LRRC4B: variants seen among roughly 807,000 people sequenced by gnomAD.
LRRC4B encodes leucine rich repeat containing 4B, also known as leucine-rich repeat-containing protein 4B.
LRRC4B carries 1 observed loss-of-function variant against 7.3 expected under a neutral mutation model. The observed-to-expected ratio is 0.14, with a 90% confidence interval of 0.05 to 0.65. The LOEUF is 0.65. Ranked by LOEUF, LRRC4B falls within the 30% of genes least tolerant of loss-of-function variation. The pLI is 0.84. For missense variants in LRRC4B, 730 were observed against 1,041.6 expected (o/e 0.70, Z 4.12); for synonymous variants, 500 against 499.2 (o/e 1.00, Z -0.02).
At position 50,518,657 on chromosome 19, in the gene LRRC4B, C is replaced by A. The variant is rs761052207; in HGVS notation, c.1056G>T (p.Gly352=). The change falls in exon 3 of 3, where the codon GGG becomes GGT. Residue 352 remains glycine (G), a synonymous_variant. Coordinates refer to ENST00000652263, the MANE Select transcript of LRRC4B (RefSeq NM_001080457.2). ...APAGLKGRYI[G]ELDQSHFTCY... is the part of the protein sequence containing the mutation. Reference sequence around the variant, plus strand: ...AGGTGAAATGCGACTGGTCCAGCTCCCCAATGTAGCGCCCCTTGAGGCCGG... The same window carrying A: ...AGGTGAAATGCGACTGGTCCAGCTCACCAATGTAGCGCCCCTTGAGGCCGG... 1.9e-6 allele frequency: 3 copies of A among 1,613,378 alleles called. No individual in the cohort carries two copies. Among genetic ancestry groups the A allele is most frequent in the African/African-American group, 2.7e-5 (2 of 74,932 alleles).
rs1393409435 is a variant in LRRC4B at position 50,517,370 on chromosome 19, G to A, written c.*201C>T. The A allele has an allele frequency of 2.6e-5, 11 of 415,956 alleles. No individual in the cohort carries two copies. The highest frequency in any genetic ancestry group is 4.5e-5 in the Non-Finnish European group (11 of 244,094). 25.8% of individuals were successfully genotyped at this position (415,956 alleles called of 1,614,324 possible). On this transcript the variant is annotated 3_prime_UTR_variant, in exon 3 of 3. Coordinates refer to ENST00000652263, the MANE Select transcript of LRRC4B (RefSeq NM_001080457.2). This position sits in a 1 kb window ranked among gnomAD's most constrained non-coding sequence, Gnocchi z 6.6. ...TGGCGGGGGTGAGGCGAGGATCCCA[G>A]AGACTCCGCTCCTGGAGCCCCACCC...
rs1982293649 is a variant in LRRC4B, at chr19:50,556,873, G to A, written c.-35-8000C>T. Reference sequence around the variant, plus strand: ...TAAGTGAGAGGGCGGGCACAGGGTGGGCCCCGGAACGTCCAGGAGGGAAGC... The same window carrying A: ...TAAGTGAGAGGGCGGGCACAGGGTGAGCCCCGGAACGTCCAGGAGGGAAGC... On this transcript the variant is annotated intron_variant, in intron 1 of 2. Coordinates refer to ENST00000652263, the MANE Select transcript of LRRC4B (RefSeq NM_001080457.2). This position sits in a 1 kb window ranked among gnomAD's most constrained non-coding sequence, Gnocchi z 4.2. Among the ~76,000 whole-genome samples the A allele has an allele frequency of 6.6e-6, 1 of 152,058 alleles. No individual in the cohort carries two copies. Among genetic ancestry groups the A allele is most frequent in the Non-Finnish European group, 1.5e-5 (1 of 68,002 alleles).
chr19:50,567,675 C>A (rs1340549899), intron 1 of LRRC4B, among the ~76,000 whole-genome samples: 3 of 149,050 alleles, frequency 2.0e-5, no homozygotes, highest in Admixed American at 6.7e-5. Flanking sequence ...GACCGCCGGA[C>A]GCACCCCCCA....
chr19:50,518,330 G>T lies in LRRC4B; in HGVS notation c.1383C>A (p.Ala461=). The T allele has an allele frequency of 6.2e-7, 1 of 1,606,042 alleles. No individual in the cohort carries two copies. The highest frequency in any genetic ancestry group is 8.5e-7 in the Non-Finnish European group (1 of 1,177,202). ...LNVSAVDPVA[A]GGTGSGGGGP... is the part of the protein sequence containing the mutation. ...CGCCCCCGCCGCTGCCGGTGCCCCC[G>T]GCCGCCACGGGGTCCACGGCCGAGA... Residue 461 remains alanine (A), a synonymous_variant, in exon 3 of 3, where the codon GCC becomes GCA. Transcript: ENST00000652263.
Position 50,518,207 on chromosome 19 carries a change from C to A in LRRC4B, c.1506G>T (p.Glu502Asp). The A allele has an allele frequency of 1.2e-6, 2 of 1,609,104 alleles. No individual in the cohort carries two copies. The change falls in exon 3 of 3, where the codon GAG (glutamate) becomes GAT (aspartate). Residue 502 changes from glutamate to aspartate, a missense_variant. By Grantham distance (45) the Glu-to-Asp change is conservative (BLOSUM62 2). Around this residue, in one of 6 missense-constraint regions of LRRC4B, gnomAD observed 192 missense variants for 228.6 expected, o/e 0.84. Coordinates refer to ENST00000652263, the MANE Select transcript of LRRC4B (RefSeq NM_001080457.2). ...TCTCCGTCCCCCGCGGCTGCAGGGC[C>A]TCCTCTCCGGGCTGCGTCTCCAGGG... Reference protein sequence around the residue: ...VETLETQPGEEALQPRGTEKE... With the variant: ...VETLETQPGEDALQPRGTEKE...
chr19:50,520,074 C>CTA (rs1980487115), intron 2 of LRRC4B, among the ~76,000 whole-genome samples: 1 of 150,086 alleles, frequency 6.7e-6, no homozygotes, highest in Non-Finnish European at 1.5e-5. Context: ...GGCGTGGTGG[C>CTA]ATGTGCCTGT....
In LRRC4B at chr19:50,563,926, G is replaced by A. The variant is rs1982547677; in HGVS notation, c.-36+4018C>T. The stretch of plus-strand genomic sequence containing the variant: ...AGGAGGCCATTTAAGTGGAAACAGG[G>A]CCCAGTCAAAGTGAGGCTTGGAGTT... On this transcript the variant is annotated intron_variant, in intron 1 of 2. Coordinates refer to ENST00000652263, the MANE Select transcript of LRRC4B (RefSeq NM_001080457.2). This position sits in a 1 kb window ranked among gnomAD's most constrained non-coding sequence, Gnocchi z 4.9. Among the ~76,000 whole-genome samples the A allele has an allele frequency of 6.6e-6, 1 of 152,158 alleles. No individual in the cohort carries two copies. The highest frequency in any genetic ancestry group is 2.4e-5 in the African/African-American group (1 of 41,430).
At chr19:50,527,348 CTTTTTT>C (rs59423387) in intron 2 of LRRC4B, among the ~76,000 whole-genome samples, 1 of 124,518 alleles carries the variant, frequency 8.0e-6, no homozygotes, top group Non-Finnish European at 1.7e-5. Context: ...TTTCTTTTTT[CTTTTTT>C]TTTTTTTTTT....
intron 2 of LRRC4B, among the ~76,000 whole-genome samples, chr19:50,530,454 C>G (rs561998142): frequency 6.6e-6 from 1 of 152,352 alleles, no homozygotes; most frequent in South Asian, 2.1e-4. Context: ...TCAGGACGCC[C>G]TTCCCTTTCA....
In LRRC4B at chr19:50,556,723, C is replaced by T. The variant is rs1421874007; in HGVS notation, c.-35-7850G>A. Among the ~76,000 whole-genome samples the T allele has an allele frequency of 6.6e-6, 1 of 152,184 alleles. No homozygotes were observed. Among genetic ancestry groups the T allele is most frequent in the Admixed American group, 6.5e-5 (1 of 15,282 alleles). ...CAACGGCGCTGGCCCCTCCGAGCCTCAGTATTTGCTGCAGGAACGAGCGAG... is the reference window on the plus strand; with the variant it reads ...CAACGGCGCTGGCCCCTCCGAGCCTTAGTATTTGCTGCAGGAACGAGCGAG... On this transcript the variant is annotated intron_variant, in intron 1 of 2. Coordinates refer to ENST00000652263, the MANE Select transcript of LRRC4B (RefSeq NM_001080457.2). This position sits in a 1 kb window ranked among gnomAD's most constrained non-coding sequence, Gnocchi z 4.2.
intron 1 of LRRC4B, among the ~76,000 whole-genome samples, chr19:50,560,307 T>A (rs1293953549): frequency 2.0e-5 from 3 of 152,012 alleles, no homozygotes; most frequent in African/African-American, 7.3e-5. Flanking sequence ...AGCCCCCTCC[T>A]CTCCTCTCCG....
Position 50,518,175 on chromosome 19 carries a change from G to T in LRRC4B, c.1538C>A (p.Pro513Gln), listed in dbSNP as rs759567542. ...GACACCGTCTGTCGTGGGCCCTGGCGGTTCCTTCTCCGTCCCCCGCGGCTG... is the reference window on the plus strand; with the variant it reads ...GACACCGTCTGTCGTGGGCCCTGGCTGTTCCTTCTCCGTCCCCCGCGGCTG... Reference protein sequence around the residue: ...ALQPRGTEKEPPGPTTDGVWG... With the variant: ...ALQPRGTEKEQPGPTTDGVWG... The change falls in exon 3 of 3, where the codon CCG becomes CAG. Residue 513 changes from proline (P) to glutamine (Q), a missense_variant. Pro to Gln is a moderately conservative substitution (Grantham distance 76). Transcript: ENST00000652263. 43 of 1,607,282 alleles carry T rather than the reference G, an allele frequency of 2.7e-5. No individual in the cohort carries two copies. The Middle Eastern group carries it at 8.3e-4, about 31-fold the overall frequency.
At chr19:50,552,443 A>G (rs1257217318) in intron 1 of LRRC4B, among the ~76,000 whole-genome samples, 1 of 151,736 alleles carries the variant, frequency 6.6e-6, no homozygotes, top group Non-Finnish European at 1.5e-5. Flanking sequence ...CCCTAGAGGA[A>G]CCCCTCTCCC....
chr19:50,546,951 T>C (rs1981842335), intron 2 of LRRC4B, among the ~76,000 whole-genome samples: 1 of 152,244 alleles, frequency 6.6e-6, no homozygotes, highest in East Asian at 1.9e-4. Flanking sequence ...GGGCTAGGGC[T>C]GGGCTTTGCC....
intron 2 of LRRC4B, among the ~76,000 whole-genome samples, chr19:50,546,370 C>T (rs946132337): frequency 2.6e-5 from 4 of 151,968 alleles, no homozygotes; most frequent in Admixed American, 6.6e-5. Context: ...AAATAAAGAG[C>T]CTCTGATTAC....
intron 2 of LRRC4B, among the ~76,000 whole-genome samples, chr19:50,544,884 G>C (rs1445151507): frequency 6.6e-6 from 1 of 150,838 alleles, no homozygotes; most frequent in African/African-American, 2.5e-5. Flanking sequence ...GTGAGACCCT[G>C]TCTTCATAAA....
chr19:50,531,082 C>T (rs899028926), intron 2 of LRRC4B, among the ~76,000 whole-genome samples: 6 of 152,166 alleles, frequency 3.9e-5, no homozygotes, highest in Non-Finnish European at 7.4e-5. Context: ...GATGGCTCAG[C>T]GAGGCCACAT....
chr19:50,539,764 G>A (rs1303884707), intron 2 of LRRC4B, among the ~76,000 whole-genome samples: 1 of 151,768 alleles, frequency 6.6e-6, no homozygotes, highest in Non-Finnish European at 1.5e-5. Flanking sequence ...GCAGGTGCCT[G>A]TAGTCCCAGC....
chr19:50,521,905 G>C lies in LRRC4B; in HGVS notation c.298-2490C>G, dbSNP rs557578687. 5.9e-5 allele frequency among the ~76,000 whole-genome samples: 9 copies of C among 152,158 alleles called. No individual in the cohort carries two copies. In the South Asian group the frequency reaches 1.9e-3, roughly 32 times the overall value. On this transcript the variant is annotated intron_variant, in intron 2 of 2. Coordinates refer to ENST00000652263, the MANE Select transcript of LRRC4B (RefSeq NM_001080457.2). ...AATGAAAAAAATAAGGCTGGGCATG[G>C]TGGCTCACAGCAGTAATCCCAGCAC...
Sources: allele counts gnomAD v4.1 joint callset (sites outside exome capture counted in the v4.1 genomes callset), GRCh38; gene constraint gnomAD v4.1.1; regional missense constraint gnomAD v4.1.1; non-coding constraint Gnocchi (gnomAD v3.1); transcripts MANE v1.5; gene names NCBI Gene and HGNC (gene_info 2026-07-23, HGNC 2026-07-21).